HDHD2: variants seen among roughly 807,000 people sequenced by gnomAD.
The protein encoded by HDHD2 is haloacid dehalogenase-like hydrolase domain-containing protein 2.
HDHD2 carries 26 observed loss-of-function variants against 24.8 expected under a neutral mutation model. The observed-to-expected ratio is 1.05, with a 90% CI of 0.77 to 1.45. The LOEUF is 1.45. Ranked by LOEUF, HDHD2 falls within the 40% of genes most tolerant of loss-of-function variation. The probability of loss-of-function intolerance (pLI) is 0.00; values close to 1 mark genes in which losing one functional copy is unlikely to be tolerated. For missense variants in HDHD2, 299 were observed against 313.4 expected (o/e 0.95, Z 0.35); for synonymous variants, 128 against 114.9 (o/e 1.11, Z -0.73).
chr18:47,122,455 A>G (rs2063616411), intron 4 of HDHD2, among the ~76,000 whole-genome samples: 1 of 152,148 alleles, frequency 6.6e-6, no homozygotes, highest in Non-Finnish European at 1.5e-5. Context: ...TCCCTCAGTT[A>G]TGACAACCAA....
chr18:47,143,885 T>C (rs117487658), intron 1 of HDHD2, among the ~76,000 whole-genome samples: 2,493 of 152,266 alleles, frequency 0.016, 21 homozygotes, highest in Non-Finnish European at 0.024. Flanking sequence ...TCTTGAGCAA[T>C]GTAGAAGCTT....
At chr18:47,119,198 C>T (rs2063582900) in intron 4 of HDHD2, among the ~76,000 whole-genome samples, 1 of 152,122 alleles carries the variant, frequency 6.6e-6, no homozygotes, top group Admixed American at 6.6e-5. Flanking sequence ...GTCACTGTGG[C>T]AATGCCTCAA....
intron 1 of HDHD2, among the ~76,000 whole-genome samples, chr18:47,137,933 G>A (rs2684820): frequency 0.42 from 63,806 of 151,134 alleles, 13,897 homozygotes; most frequent in Middle Eastern, 0.56. Flanking sequence ...TGGGAAGGCC[G>A]ACGCGGGCGG....
intron 1 of HDHD2, among the ~76,000 whole-genome samples, chr18:47,147,811 A>C (rs139973352): frequency 2.4e-4 from 37 of 152,246 alleles, no homozygotes; most frequent in African/African-American, 8.9e-4. Context: ...CGTACCTTTT[A>C]AACTCTAAAA....
At chr18:47,142,277 A>G (rs1599963188) in intron 1 of HDHD2, among the ~76,000 whole-genome samples, 1 of 102,526 alleles carries the variant, frequency 9.8e-6, no homozygotes, top group South Asian at 2.7e-4. Context: ...TTTTCATTTC[A>G]TAAAAAAAAA....
intron 1 of HDHD2, among the ~76,000 whole-genome samples, chr18:47,146,112 C>CTGT (rs2063867169): frequency 6.6e-6 from 1 of 151,672 alleles, no homozygotes; most frequent in Admixed American, 6.6e-5. Context: ...ACCTGTAATC[C>CTGT]CAGCTACTCG....
chr18:47,149,460 G>C (rs2063907388), intron 1 of HDHD2, among the ~76,000 whole-genome samples: 1 of 152,054 alleles, frequency 6.6e-6, no homozygotes, highest in South Asian at 2.1e-4. Flanking sequence ...CTCTTCCAGT[G>C]ACTCCCCGCT....
intron 4 of HDHD2, among the ~76,000 whole-genome samples, chr18:47,124,274 A>G (rs1173051574): frequency 2.0e-5 from 3 of 152,230 alleles, no homozygotes; most frequent in Non-Finnish European, 1.5e-5. Flanking sequence ...ACAAAACAGA[A>G]GAAAATACTG....
chr18:47,147,222 G>A (rs1187255908), intron 1 of HDHD2, among the ~76,000 whole-genome samples: 1 of 152,096 alleles, frequency 6.6e-6, no homozygotes, highest in Non-Finnish European at 1.5e-5. Context: ...ATGAAAGAGG[G>A]AAAAAGAAGA....
chr18:47,110,375 T>C, intron 6 of HDHD2: 2 of 985,418 alleles, frequency 2.0e-6, no homozygotes, highest in Non-Finnish European at 2.4e-6. Flanking sequence ...CGCAGCAAGC[T>C]CTACTGCCAG....
chr18:47,121,495 T>C (rs983339432), intron 4 of HDHD2, among the ~76,000 whole-genome samples: 1 of 152,212 alleles, frequency 6.6e-6, no homozygotes, highest in African/African-American at 2.4e-5. Flanking sequence ...TCTTACTCTT[T>C]CACCTGAACT....
In HDHD2 at chr18:47,113,375, T is replaced by G. The variant is rs545787454; in HGVS notation, c.613-335A>C. ...TTAAACAGATCATGGAAAAATGCAT[T>G]CTATCCATTTGGCAGTAAATAATAC... On this transcript the variant is annotated intron_variant, in intron 5 of 6. Coordinates refer to ENST00000300605, the MANE Select transcript of HDHD2 (RefSeq NM_032124.5). Among the ~76,000 whole-genome samples the G allele has an allele frequency of 2.0e-5, 3 of 152,216 alleles. No individual in the cohort carries two copies. The South Asian group carries it at 6.2e-4, about 32-fold the overall frequency.
chr18:47,108,858 T>C (rs1333708920), intron 6 of HDHD2, 73 bp from the exon 7 acceptor site: 7 of 858,520 alleles, frequency 8.2e-6, no homozygotes, highest in Admixed American at 3.8e-5. Flanking sequence ...CATGAGCACC[T>C]GGGTCATCAC....
rs955503348 is a variant in HDHD2, at chr18:47,110,274, G to A, written c.677-1489C>T. ...ATCTTACTGATTATAACTTCTTACA[G>A]GAAGGGAGCCAGCATCAAATGTACA... On this transcript the variant is annotated intron_variant, in intron 6 of 6. Transcript: ENST00000300605. 4.1e-6 allele frequency: 4 copies of A among 985,254 alleles called. No homozygotes were observed. The Admixed American group carries it at 1.8e-4, about 45-fold the overall frequency. 61.0% of individuals were successfully genotyped at this position (985,254 alleles called of 1,614,324 possible). A position where few individuals can be genotyped will look rare whatever the true frequency, so the allele number is the denominator to read the frequency against.
intron 4 of HDHD2, among the ~76,000 whole-genome samples, chr18:47,120,034 T>C (rs1258452054): frequency 6.6e-6 from 1 of 152,238 alleles, no homozygotes; most frequent in African/African-American, 2.4e-5. Context: ...TAAACCATGC[T>C]GTAAACAGAT....
At chr18:47,129,859 A>G (rs1252281462) in intron 4 of HDHD2, among the ~76,000 whole-genome samples, 1 of 152,138 alleles carries the variant, frequency 6.6e-6, no homozygotes, top group East Asian at 1.9e-4. Context: ...AGATTGCTTG[A>G]GCCCAAGAGT....
At chr18:47,110,358 T>C (rs2063505897) in intron 6 of HDHD2, 7 of 985,332 alleles carry the variant, frequency 7.1e-6, no homozygotes, top group Non-Finnish European at 8.4e-6. Context: ...GTCCATAGCA[T>C]GGTCCCCGCA....
chr18:47,112,927 T>A, intron 6 of HDHD2, 50 bp downstream of exon 6: 1 of 1,440,858 alleles, frequency 6.9e-7, no homozygotes. Context: ...TAAGCAACTG[T>A]GTATTCTACT....
At chr18:47,138,003 T>C (rs1272511977) in intron 1 of HDHD2, among the ~76,000 whole-genome samples, 1 of 151,278 alleles carries the variant, frequency 6.6e-6, no homozygotes, top group African/African-American at 2.4e-5. Flanking sequence ...GCATCTCTAC[T>C]AAAAATACAA....
Sources: allele counts gnomAD v4.1 joint callset (sites outside exome capture counted in the v4.1 genomes callset), GRCh38; gene constraint gnomAD v4.1.1; transcripts MANE v1.5; gene names NCBI Gene and HGNC (gene_info 2026-07-23, HGNC 2026-07-21).